PLPP4: variants seen among roughly 807,000 people sequenced by gnomAD.
PLPP4 encodes the protein diacylglycerol pyrophosphate like 2.
In PLPP4, 20 loss-of-function variants were observed where a neutral mutation model predicts 32.2. The observed-to-expected ratio is 0.62, with a 90% CI of 0.44 to 0.90. The LOEUF is 0.90. PLPP4 is among the 40% of genes least tolerant of loss of function. PLPP4 has a pLI of 0.00. For synonymous variants in PLPP4, 127 were observed against 133.0 expected (o/e 0.95, Z 0.31); for missense variants, 257 against 353.1 (o/e 0.73, Z 2.18).
At chr10:120,523,475 T>C (rs1354420100) in intron 5 of PLPP4, among the ~76,000 whole-genome samples, 4 of 152,142 alleles carry the variant, frequency 2.6e-5, no homozygotes, top group African/African-American at 9.7e-5. Context: ...GCTGGAGGAA[T>C]TCCTTCTGTA....
At chr10:120,505,890 C>T (rs1845467108) in intron 2 of PLPP4, among the ~76,000 whole-genome samples, 1 of 152,176 alleles carries the variant, frequency 6.6e-6, no homozygotes, top group East Asian at 1.9e-4. Context: ...TCAGTTACTC[C>T]TATTTTTCAT....
intron 5 of PLPP4, among the ~76,000 whole-genome samples, chr10:120,552,915 A>G (rs1847976831): frequency 6.6e-6 from 1 of 152,230 alleles, no homozygotes; most frequent in African/African-American, 2.4e-5. Context: ...AAGAAAGCTG[A>G]GACTCTGCTG....
At chr10:120,512,384 C>T (rs1048342076) in intron 2 of PLPP4, among the ~76,000 whole-genome samples, 1 of 152,184 alleles carries the variant, frequency 6.6e-6, no homozygotes, top group Non-Finnish European at 1.5e-5. Flanking sequence ...CAATCCAAGT[C>T]ATTCAGGGCC....
At chr10:120,517,810 C>T (rs1386042020) in intron 3 of PLPP4, among the ~76,000 whole-genome samples, 1 of 152,198 alleles carries the variant, frequency 6.6e-6, no homozygotes. Flanking sequence ...CATAGAACAA[C>T]ACGTTTGTCT....
intron 5 of PLPP4, among the ~76,000 whole-genome samples, chr10:120,574,175 C>CTCTCTCTCT (rs1849094534): frequency 3.9e-5 from 2 of 50,658 alleles, no homozygotes; most frequent in Non-Finnish European, 7.2e-5. Flanking sequence ...CACACTCTCT[C>CTCTCTCTCT]TCTCTCTCTC....
chr10:120,498,716 A>C (rs1371732558), intron 1 of PLPP4, among the ~76,000 whole-genome samples: 1 of 149,164 alleles, frequency 6.7e-6, no homozygotes, highest in African/African-American at 2.5e-5. Flanking sequence ...GCTGGAGTGC[A>C]GTGGTATGAT....
At chr10:120,574,191 C>T (rs1462780259) in intron 5 of PLPP4, among the ~76,000 whole-genome samples, 1 of 138,566 alleles carries the variant, frequency 7.2e-6, no homozygotes, top group African/African-American at 2.8e-5. Flanking sequence ...CTCTCTCTCT[C>T]TCTCTCTCTC....
rs184725683 is a variant in PLPP4, at chr10:120,513,962, C to T, written c.217C>T (p.Arg73Trp). 7.7e-4 allele frequency: 1,240 copies of T among 1,613,738 alleles called. 2 individuals carry two copies. The highest frequency in any genetic ancestry group is 9.1e-4 in the Non-Finnish European group (1,077 of 1,179,874). ...LAVICVVKII[R>W]RTDKTEIKEA... ...TGTTATTTGTGTGGTGAAAATTATC[C>T]GGCGAACAGACAAGACTGAAATTAA... Residue 73 changes from arginine (R) to tryptophan (W), a missense_variant, in exon 3 of 7, where the codon CGG becomes TGG. Arg to Trp is a moderately radical substitution (Grantham distance 101). Transcript: ENST00000398250.
intron 5 of PLPP4, among the ~76,000 whole-genome samples, chr10:120,536,603 G>A (rs1280205035): frequency 6.8e-6 from 1 of 146,276 alleles, no homozygotes; most frequent in East Asian, 2.0e-4. Context: ...GAAAACATAG[G>A]GAAATAAGAT....
At chr10:120,563,522 C>T (rs368521118) in intron 5 of PLPP4, among the ~76,000 whole-genome samples, 27 of 149,256 alleles carry the variant, frequency 1.8e-4, no homozygotes, top group East Asian at 3.9e-4. Context: ...AATTTTAGGC[C>T]GGGCGCGGTG....
At chr10:120,476,325 G>A (rs780574885) in intron 1 of PLPP4, among the ~76,000 whole-genome samples, 1 of 152,116 alleles carries the variant, frequency 6.6e-6, no homozygotes, top group Admixed American at 6.5e-5. Flanking sequence ...GTTGTTGAGT[G>A]CTTACTCTGT....
At chr10:120,483,491 G>A (rs1844306591) in intron 1 of PLPP4, among the ~76,000 whole-genome samples, 1 of 152,158 alleles carries the variant, frequency 6.6e-6, no homozygotes, top group Non-Finnish European at 1.5e-5. Flanking sequence ...AATGTCCCAG[G>A]CATACACTGA....
At chr10:120,542,270 AT>A (rs1461836283) in intron 5 of PLPP4, among the ~76,000 whole-genome samples, 6 of 152,252 alleles carry the variant, frequency 3.9e-5, no homozygotes, top group Non-Finnish European at 7.3e-5. Context: ...ATGGGCTCAG[AT>A]GCAAATGACC....
intron 1 of PLPP4, among the ~76,000 whole-genome samples, chr10:120,479,203 G>T (rs1423606638): frequency 6.6e-6 from 1 of 152,070 alleles, no homozygotes; most frequent in Non-Finnish European, 1.5e-5. Flanking sequence ...TCCAGCCTGG[G>T]CCACAGAGCG....
At chr10:120,568,226 T>C (rs778807807) in intron 5 of PLPP4, among the ~76,000 whole-genome samples, 5 of 152,242 alleles carry the variant, frequency 3.3e-5, no homozygotes, top group Admixed American at 1.3e-4. Flanking sequence ...AAGCCAAACA[T>C]TTCAGGGGTA....
chr10:120,535,436 T>C (rs1364470676), intron 5 of PLPP4, among the ~76,000 whole-genome samples: 1 of 152,164 alleles, frequency 6.6e-6, no homozygotes, highest in African/African-American at 2.4e-5. Flanking sequence ...TCTCCATCTG[T>C]TGGGTGTTGC....
chr10:120,525,905 G>C (rs11817080), intron 5 of PLPP4, among the ~76,000 whole-genome samples: 17,131 of 152,038 alleles, frequency 0.11, 1,960 homozygotes, highest in African/African-American at 0.29. Flanking sequence ...ACCGGGATTT[G>C]TTTTTGGTAT....
intron 1 of PLPP4, among the ~76,000 whole-genome samples, chr10:120,469,462 C>G (rs34375329): frequency 1.3e-5 from 2 of 152,146 alleles, no homozygotes; most frequent in South Asian, 4.2e-4. Context: ...CTCCTGACCT[C>G]GTGATCCGCC....
At chr10:120,512,934 G>C (rs1245419333) in intron 2 of PLPP4, among the ~76,000 whole-genome samples, 1 of 152,172 alleles carries the variant, frequency 6.6e-6, no homozygotes, top group Admixed American at 6.5e-5. Context: ...CCAGAATTAT[G>C]AACACTATTC....
Sources: allele counts gnomAD v4.1 joint callset (sites outside exome capture counted in the v4.1 genomes callset), GRCh38; gene constraint gnomAD v4.1.1; transcripts MANE v1.5; gene names NCBI Gene and HGNC (gene_info 2026-07-23, HGNC 2026-07-21).